C7: variants seen among roughly 807,000 people sequenced by gnomAD.
C7 encodes the protein complement component C7.
C7 carries 83 observed loss-of-function variants against 104.8 expected under a neutral mutation model. The observed-to-expected ratio is 0.79, with a 90% CI of 0.66 to 0.95. The LOEUF is 0.95. C7 is among the 40% of genes least tolerant of loss of function. The probability of loss-of-function intolerance (pLI) is 0.00; values close to 1 mark genes in which losing one functional copy is unlikely to be tolerated. For missense variants in C7, 1,070 were observed against 1,011.2 expected (o/e 1.06, Z -0.79); for synonymous variants, 415 against 360.6 (o/e 1.15, Z -1.71).
At chr5:40,916,401 A>G (rs184402763) in intron 1 of C7, among the ~76,000 whole-genome samples, 2 of 152,178 alleles carry the variant, frequency 1.3e-5, no homozygotes, top group African/African-American at 4.8e-5. Flanking sequence ...CCCCCTGCCT[A>G]CTGCTGTGCT....
At chr5:40,914,742 G>A (rs1464972756) in intron 1 of C7, among the ~76,000 whole-genome samples, 1 of 152,090 alleles carries the variant, frequency 6.6e-6, no homozygotes, top group African/African-American at 2.4e-5. Flanking sequence ...GGTAACCCTT[G>A]GGCCATCCCT....
At chr5:40,980,091 C>T (rs1030094982) in intron 17 of C7, 182 bp downstream of exon 17, 7 of 427,818 alleles carry the variant, frequency 1.6e-5, no homozygotes, top group African/African-American at 4.0e-5. Flanking sequence ...GCACAGATCA[C>T]AGACCTCAGA....
At chr5:40,947,893 A>C in intron 8 of C7, 48 bp downstream of exon 8, 1 of 1,560,924 alleles carries the variant, frequency 6.4e-7, no homozygotes, top group South Asian at 1.2e-5. Flanking sequence ...TGGGATTTTA[A>C]TGGGGAAATA....
At chr5:40,967,416 A>AT (rs1344367488) in intron 14 of C7, 15 of 151,748 alleles carry the variant, frequency 9.9e-5, no homozygotes, top group African/African-American at 3.4e-4. Flanking sequence ...TTTTTATTTT[A>AT]TTTATTTATT....
chr5:40,949,995 C>A lies in C7; in HGVS notation c.1074C>A (p.Asn358Lys). The A allele has an allele frequency of 6.3e-7, 1 of 1,591,458 alleles. No individual in the cohort carries two copies. Among genetic ancestry groups the A allele is most frequent in the Non-Finnish European group, 8.6e-7 (1 of 1,167,346 alleles). Residue 358 changes from asparagine to lysine, a missense_variant, in exon 9 of 18, where the codon AAC (asparagine) becomes AAA (lysine). Transcript: ENST00000313164. ...FSSHGCKELE[N>K]ALKAASGTQN... ...GTCATGGATGCAAGGAACTGGAAAACGCTTTAAAAGCTGCTTCAGGTAAAT... is the reference window on the plus strand; with the variant it reads ...GTCATGGATGCAAGGAACTGGAAAAAGCTTTAAAAGCTGCTTCAGGTAAAT...
intron 1 of C7, among the ~76,000 whole-genome samples, chr5:40,918,770 C>A (rs1189785007): frequency 1.3e-5 from 2 of 151,136 alleles, no homozygotes. Flanking sequence ...ATATATGCAC[C>A]CAACTTCAGA....
At chr5:40,955,302 G>T in intron 9 of C7, 85 bp from the exon 10 acceptor site, 2 of 1,332,400 alleles carry the variant, frequency 1.5e-6, no homozygotes, top group Non-Finnish European at 2.1e-6. Context: ...CCATAGTTTG[G>T]CTTTTTCCAG....
At chr5:40,980,925 C>A (rs577323556) in intron 17 of C7, among the ~76,000 whole-genome samples, 2 of 152,348 alleles carry the variant, frequency 1.3e-5, no homozygotes, top group South Asian at 4.1e-4. Context: ...CATGCACAGA[C>A]TCCTTGCCTC....
At position 40,958,135 on chromosome 5, in the gene C7, T is replaced by C; in HGVS notation, c.1363T>C (p.Cys455Arg). ...LEEYLDEFDP[C>R]HCRPCQNGGL... Reference sequence around the variant, plus strand: ...AGAGTATCTGGATGAATTTGACCCCTGTCATTGCCGGCCTTGTCAAAATGG... The same window carrying C: ...AGAGTATCTGGATGAATTTGACCCCCGTCATTGCCGGCCTTGTCAAAATGG... Residue 455 changes from cysteine to arginine, a missense_variant, in exon 11 of 18, where the codon TGT (cysteine) becomes CGT (arginine). Transcript: ENST00000313164. 6.2e-7 allele frequency: 1 copy of C among 1,613,862 alleles called. No individual in the cohort carries two copies. Among genetic ancestry groups the C allele is most frequent in the South Asian group, 1.1e-5 (1 of 91,082 alleles).
At chr5:40,941,518 A>G (rs1739936526) in intron 6 of C7, among the ~76,000 whole-genome samples, 1 of 152,160 alleles carries the variant, frequency 6.6e-6, no homozygotes, top group Non-Finnish European at 1.5e-5. Flanking sequence ...TAAAAAAAAG[A>G]GTCAGAGAGT....
intron 12 of C7, among the ~76,000 whole-genome samples, chr5:40,961,172 G>A (rs112988594): frequency 6.6e-6 from 1 of 152,168 alleles, no homozygotes; most frequent in Non-Finnish European, 1.5e-5. Flanking sequence ...CGTAAATCCA[G>A]CTTTGGTATT....
intron 1 of C7, among the ~76,000 whole-genome samples, chr5:40,921,212 T>C (rs1157572776): frequency 6.6e-6 from 1 of 151,944 alleles, no homozygotes; most frequent in Admixed American, 6.6e-5. Context: ...ATTCCATTTA[T>C]AAAAGCTATA....
chr5:40,960,632 G>A (rs1407523938), intron 12 of C7, among the ~76,000 whole-genome samples: 5 of 152,086 alleles, frequency 3.3e-5, no homozygotes. Flanking sequence ...TCATTGAAGA[G>A]ATTTTTCACT....
chr5:40,983,775 T>C lies in C7; in HGVS notation c.*2202T>C, dbSNP rs112173055. Among the ~76,000 whole-genome samples, 5 of 152,330 alleles carry C rather than the reference T, an allele frequency of 3.3e-5. No individual in the cohort carries two copies. Among genetic ancestry groups the C allele is most frequent in the African/African-American group, 1.2e-4 (5 of 41,568 alleles). ...TTGAGGAAAGTTAAGGGAATGATTT[T>C]ATACCACAAAAATAAATGGAAAAAG... On this transcript the variant is annotated 3_prime_UTR_variant, in exon 18 of 18. Coordinates refer to ENST00000313164, the MANE Select transcript of C7 (RefSeq NM_000587.4).
chr5:40,922,069 A>AAC (rs879514800), intron 1 of C7, among the ~76,000 whole-genome samples: 7,032 of 147,484 alleles, frequency 0.048, 210 homozygotes, highest in Non-Finnish European at 0.072. Flanking sequence ...CAAACAAACA[A>AAC]AAACAACAAC....
At chr5:40,971,665 CTTATGTCCTG>C (rs1208447823) in intron 14 of C7, among the ~76,000 whole-genome samples, 1 of 152,116 alleles carries the variant, frequency 6.6e-6, no homozygotes, top group Non-Finnish European at 1.5e-5. Context: ...TTTGCCCATG[CTTATGTCCTG>C]AATGGTATTG....
At chr5:40,944,460 G>A (rs990699295) in intron 6 of C7, among the ~76,000 whole-genome samples, 81 of 152,160 alleles carry the variant, frequency 5.3e-4, no homozygotes, top group Non-Finnish European at 1.2e-4. Flanking sequence ...GACAGGGTAC[G>A]TGTTCACTTT....
At chr5:40,937,784 T>C in intron 6 of C7, 94 bp downstream of exon 6, 2 of 1,024,108 alleles carry the variant, frequency 2.0e-6, no homozygotes, top group Non-Finnish European at 2.7e-6. Context: ...AATTTACTTA[T>C]GGCCTAATGT....
chr5:40,942,758 T>TTC (rs1220904848), intron 6 of C7, among the ~76,000 whole-genome samples: 15 of 150,842 alleles, frequency 9.9e-5, no homozygotes, highest in African/African-American at 3.7e-4. Context: ...TTGTGCGATT[T>TTC]TCTTTCTTTC....
Sources: allele counts gnomAD v4.1 joint callset (sites outside exome capture counted in the v4.1 genomes callset), GRCh38; gene constraint gnomAD v4.1.1; transcripts MANE v1.5; gene names NCBI Gene and HGNC (gene_info 2026-07-23, HGNC 2026-07-21).